NONO: variants seen among roughly 807,000 people sequenced by gnomAD.
The protein encoded by NONO is non-POU domain-containing octamer-binding protein.
NONO carries 6 observed loss-of-function variants against 40.2 expected under a neutral mutation model. The ratio of observed to expected loss-of-function variants is 0.15; its 90% CI spans 0.08 to 0.29. The LOEUF is 0.29. Among genes scored for constraint, NONO ranks in the 10% least tolerant of loss-of-function variants. NONO has a pLI of 1.00. For missense variants in NONO, 133 were observed against 397.8 expected, an observed-to-expected ratio of 0.33 and a Z score of 5.66; for synonymous variants, 89 against 123.3, an observed-to-expected ratio of 0.72 and a Z score of 1.85.
chrX:71,288,734 C>G (rs2031256447), intron 2 of NONO, among the ~76,000 whole-genome samples: 1 of 112,883 alleles, frequency 8.9e-6, no homozygotes, highest in South Asian at 3.6e-4. Flanking sequence ...AGTCATTTGT[C>G]TTTCCACTGT....
intron 3 of NONO, among the ~76,000 whole-genome samples, chrX:71,291,433 C>G (rs2031324608): frequency 1.8e-5 from 2 of 108,998 alleles, no homozygotes; most frequent in African/African-American, 6.7e-5. Flanking sequence ...TTATTCTCAT[C>G]TGAAGGTACG....
intron 9 of NONO, chrX:71,298,144 T>G: frequency 4.6e-6 from 2 of 435,085 alleles, no homozygotes; most frequent in South Asian, 7.6e-5. Context: ...TCTGCTGTAT[T>G]CTGTTTAGAC....
rs1216718685 is a variant in NONO at position 71,297,647 on chromosome X, AAAG to A, written c.1029-186_1029-184del. On this transcript the variant is annotated intron_variant, in intron 8 of 11. Transcript: ENST00000276079. ...CATGGTCCTAGAAGTTACCTGCTAAAAAGAAAGCAGCTGAATGCTGGTCTCATG... is the reference window on the plus strand; with the variant it reads ...CATGGTCCTAGAAGTTACCTGCTAAAAAAGCAGCTGAATGCTGGTCTCATG... The A allele has an allele frequency of 2.1e-4, 103 of 492,782 alleles. No individual in the cohort carries two copies. In the South Asian group the frequency reaches 3.4e-3, roughly 16 times the overall value. 40.6% of individuals were successfully genotyped at this position (492,782 alleles called of 1,213,427 possible).
chrX:71,300,167 C>T lies in NONO; in HGVS notation c.*91C>T. The T allele has an allele frequency of 9.5e-7, 1 of 1,052,705 alleles. No homozygotes were observed. Among genetic ancestry groups the T allele is most frequent in the South Asian group, 1.9e-5 (1 of 52,946 alleles). The allele number at this position is 1,052,705 out of a possible 1,213,427, so 86.8% of individuals were successfully genotyped here. On this transcript the variant is annotated 3_prime_UTR_variant, in exon 12 of 12. Coordinates refer to ENST00000276079, the MANE Select transcript of NONO (RefSeq NM_007363.5). Reference sequence around the variant, plus strand: ...CTACCCTGGAAAAGTGTTAGGGATTCCTTCCAATAGTTAGATCTACCCTGC... The same window carrying T: ...CTACCCTGGAAAAGTGTTAGGGATTTCTTCCAATAGTTAGATCTACCCTGC...
chrX:71,298,687 A>G lies in NONO; in HGVS notation c.1172-20A>G. On this transcript the variant is annotated intron_variant, in intron 10 of 11. Coordinates refer to ENST00000276079, the MANE Select transcript of NONO (RefSeq NM_007363.5). ...CTAACAATCTTTATCCCTTGTGCTG[A>G]TCACACTACTCTGCCTTAGGTGCTA... 8.5e-7 allele frequency: 1 copy of G among 1,176,641 alleles called. No homozygotes were observed. Among genetic ancestry groups the G allele is most frequent in the Non-Finnish European group, 1.2e-6 (1 of 865,050 alleles).
rs1489028335 is a variant in NONO, at chrX:71,284,026, G to T, written c.-67+305G>T. On this transcript the variant is annotated intron_variant, in intron 1 of 11. Transcript: ENST00000276079. ...CCTCTGAGCCGCCCTGGGCCCGACG[G>T]TGTGGGGTCTATTATGAGAGATCGC... 5.4e-5 allele frequency: 6 copies of T among 112,113 alleles called. No individual in the cohort carries two copies. The East Asian group carries it at 1.7e-3, about 32-fold the overall frequency. 9.2% of individuals were successfully genotyped at this position (112,113 alleles called of 1,213,427 possible).
At chrX:71,287,176 G>T (rs1285079877) in intron 2 of NONO, among the ~76,000 whole-genome samples, 3 of 111,822 alleles carry the variant, frequency 2.7e-5, no homozygotes, top group African/African-American at 9.8e-5. Flanking sequence ...CGCCTCTCAG[G>T]TTCAAGTGAT....
chrX:71,297,961 A>G, intron 9 of NONO, 23 bp downstream of exon 9: 2 of 1,025,624 alleles, frequency 2.0e-6, no homozygotes, highest in Non-Finnish European at 2.7e-6. Flanking sequence ...TGTGCCCGTG[A>G]TGTACCAGAC....
intron 9 of NONO, 43 bp from the exon 10 acceptor site, chrX:71,298,426 G>A (rs777267409): frequency 1.7e-5 from 19 of 1,121,383 alleles, no homozygotes; most frequent in Non-Finnish European, 2.2e-5. Context: ...GTGGTAGAAT[G>A]CACTGCTGTC....
At chrX:71,292,022 G>A in intron 4 of NONO, 50 bp downstream of exon 4, 1 of 898,364 alleles carries the variant, frequency 1.1e-6, no homozygotes. Flanking sequence ...TGGGGAAGCT[G>A]GAGAATAATA....
chrX:71,290,073 G>A (rs188763791), intron 2 of NONO, among the ~76,000 whole-genome samples: 186 of 110,587 alleles, frequency 1.7e-3, no homozygotes, highest in African/African-American at 5.8e-3. Context: ...ACCTGCCTGG[G>A]TCATTTTTAA....
intron 4 of NONO, chrX:71,293,975 T>C (rs2031382813): frequency 2.6e-5 from 10 of 378,196 alleles, no homozygotes; most frequent in Admixed American, 2.2e-4. Flanking sequence ...GGGAGAATAA[T>C]ACCTATGAAA....
intron 3 of NONO, 84 bp from the exon 4 acceptor site, chrX:71,291,695 A>G: frequency 1.4e-6 from 1 of 720,585 alleles, no homozygotes; most frequent in Non-Finnish European, 2.0e-6. Flanking sequence ...ATGTTTCCTC[A>G]TTTATCAGTG....
At chrX:71,287,865 C>CTTTTTTT (rs748090354) in intron 2 of NONO, among the ~76,000 whole-genome samples, 3 of 87,290 alleles carry the variant, frequency 3.4e-5, no homozygotes, top group Non-Finnish European at 6.6e-5. Flanking sequence ...CCCCCCTACC[C>CTTTTTTT]TTTTTTTTTT....
At chrX:71,296,345 C>A (rs987788088) in intron 5 of NONO, among the ~76,000 whole-genome samples, 1 of 110,474 alleles carries the variant, frequency 9.1e-6, no homozygotes, top group Non-Finnish European at 1.9e-5. Flanking sequence ...AACTCCTGAC[C>A]TCATGATTCA....
Position 71,293,358 on chromosome X carries a change from G to A in NONO, c.349-869G>A, listed in dbSNP as rs60519923. On this transcript the variant is annotated intron_variant, in intron 4 of 11. Transcript: ENST00000276079. The stretch of plus-strand genomic sequence containing the variant: ...CACTTTTTGGGAGGCCAAGGTGGGC[G>A]GATCACTTGAGGTCAGGAGTTTGAG... 1.0e-2 allele frequency among the ~76,000 whole-genome samples: 1,105 copies of A among 111,015 alleles called. 17 individuals carry two copies. The highest frequency in any genetic ancestry group is 0.034 in the African/African-American group (1,029 of 30,584).
At chrX:71,291,572 CGT>C (rs2031328256) in intron 3 of NONO, among the ~76,000 whole-genome samples, 1 of 111,611 alleles carries the variant, frequency 9.0e-6, no homozygotes, top group Non-Finnish European at 1.9e-5. Context: ...TCTGGCCCGT[CGT>C]AGAGCTGTTC....
intron 2 of NONO, among the ~76,000 whole-genome samples, chrX:71,286,759 A>C (rs779498738): frequency 5.0e-4 from 56 of 112,029 alleles, no homozygotes; most frequent in Middle Eastern, 4.6e-3. Context: ...TTGTTTTCTT[A>C]CCATAAAGGC....
chrX:71,296,779 C>T, intron 6 of NONO, 72 bp from the exon 7 acceptor site: 1 of 1,087,414 alleles, frequency 9.2e-7, no homozygotes, highest in East Asian at 3.0e-5. Flanking sequence ...TTATCTTGGT[C>T]CTCACAAGGA....
Sources: gnomAD v4.1 joint callset for allele counts (sites outside exome capture counted in the v4.1 genomes callset) on GRCh38, gnomAD v4.1.1 for gene constraint, MANE v1.5 for transcripts, NCBI Gene and HGNC (gene_info 2026-07-23, HGNC 2026-07-21) for gene names.